ADK: variants seen among roughly 807,000 people sequenced by gnomAD.
The protein encoded by ADK is N6,N6-dimethyladenosine kinase.
Under a neutral mutation model 44.7 loss-of-function variants are expected in ADK, and 24 were observed. The ratio of observed to expected loss-of-function variants is 0.54; its 90% CI spans 0.39 to 0.76. The LOEUF (loss-of-function observed/expected upper bound fraction) is 0.76, where lower values mean the gene tolerates loss of function less well. Ranked by LOEUF, ADK falls within the 30% of genes least tolerant of loss-of-function variation. ADK has a pLI of 0.00. For synonymous variants in ADK, 128 were observed against 142.6 expected (o/e 0.90, Z 0.73); for missense variants, 321 against 425.1 (o/e 0.76, Z 2.15).
intron 1 of ADK, among the ~76,000 whole-genome samples, chr10:74,152,832 C>A (rs769591388): frequency 3.3e-5 from 5 of 152,154 alleles, no homozygotes; most frequent in Non-Finnish European, 7.3e-5. Context: ...CTTTGTGAGG[C>A]TGTGGTGAGA....
intron 7 of ADK, among the ~76,000 whole-genome samples, chr10:74,561,186 G>A (rs1850444574): frequency 6.6e-6 from 1 of 152,088 alleles, no homozygotes; most frequent in African/African-American, 2.4e-5. Flanking sequence ...TGGAGTAAGT[G>A]GTCATCTGTG....
At chr10:74,383,490 A>G (rs1843044510) in intron 4 of ADK, among the ~76,000 whole-genome samples, 1 of 152,046 alleles carries the variant, frequency 6.6e-6, no homozygotes, top group African/African-American at 2.4e-5. Context: ...AGCCTCATAT[A>G]TCCCCTAATT....
chr10:74,421,837 A>G (rs963762758), intron 6 of ADK, among the ~76,000 whole-genome samples: 1 of 152,228 alleles, frequency 6.6e-6, no homozygotes, highest in Non-Finnish European at 1.5e-5. Context: ...AATTAGAGCA[A>G]CAAAATAAAA....
At chr10:74,340,432 T>G (rs1231249525) in intron 4 of ADK, among the ~76,000 whole-genome samples, 1 of 152,180 alleles carries the variant, frequency 6.6e-6, no homozygotes, top group Non-Finnish European at 1.5e-5. Context: ...AAACCAGGTT[T>G]CAGGTGATAT....
At chr10:74,552,549 G>A (rs1850071557) in intron 7 of ADK, among the ~76,000 whole-genome samples, 1 of 151,680 alleles carries the variant, frequency 6.6e-6, no homozygotes, top group Admixed American at 6.6e-5. Flanking sequence ...TTGCACAAAA[G>A]CATTGAATTA....
chr10:74,165,629 T>C (rs1408771641), intron 1 of ADK, among the ~76,000 whole-genome samples: 2 of 152,122 alleles, frequency 1.3e-5, no homozygotes, highest in Non-Finnish European at 2.9e-5. Context: ...TAAGAGTCCC[T>C]AAGTAGTAAA....
intron 9 of ADK, among the ~76,000 whole-genome samples, chr10:74,667,135 CTT>C (rs930799818): frequency 1.2e-4 from 18 of 152,070 alleles, no homozygotes; most frequent in East Asian, 9.7e-4. Flanking sequence ...CCGGCCATGA[CTT>C]TTTATAATAG....
chr10:74,336,989 T>C (rs1841430966), intron 4 of ADK, among the ~76,000 whole-genome samples: 1 of 152,242 alleles, frequency 6.6e-6, no homozygotes, highest in Admixed American at 6.5e-5. Context: ...CCCATGGATA[T>C]GGTGGGCCTA....
chr10:74,613,525 A>G (rs1175632771), intron 9 of ADK, among the ~76,000 whole-genome samples: 3 of 152,096 alleles, frequency 2.0e-5, no homozygotes. Context: ...AATTTAACAT[A>G]GTTACATCCC....
At chr10:74,463,010 A>G (rs1042884226) in intron 6 of ADK, among the ~76,000 whole-genome samples, 6 of 152,166 alleles carry the variant, frequency 3.9e-5, no homozygotes, top group African/African-American at 1.4e-4. Flanking sequence ...TGATGACTCA[A>G]ATTTTATCAG....
rs758693118 is a variant in ADK at position 74,181,176 on chromosome 10, T to C, written c.66-19588T>C. On this transcript the variant is annotated intron_variant, in intron 1 of 10. Transcript: ENST00000539909. Reference sequence around the variant, plus strand: ...TTGAACTAGATATGAGATCTCTAGATACCTTGTTCAGTTCCCTTTCTAGTA... The same window carrying C: ...TTGAACTAGATATGAGATCTCTAGACACCTTGTTCAGTTCCCTTTCTAGTA... Among the ~76,000 whole-genome samples, 8 of 152,206 alleles carry C rather than the reference T, an allele frequency of 5.3e-5. No homozygotes were observed. In the East Asian group the frequency reaches 9.6e-4, roughly 18 times the overall value.
chr10:74,529,001 AGTTCTACT>A (rs1849174130), intron 7 of ADK, among the ~76,000 whole-genome samples: 1 of 152,188 alleles, frequency 6.6e-6, no homozygotes, highest in Non-Finnish European at 1.5e-5. Context: ...ATGATCTAGC[AGTTCTACT>A]TCTAGGTATA....
At chr10:74,480,769 T>G (rs996170822) in intron 6 of ADK, among the ~76,000 whole-genome samples, 2 of 152,228 alleles carry the variant, frequency 1.3e-5, no homozygotes, top group African/African-American at 4.8e-5. Context: ...GTTTCTAGCT[T>G]ATAGAGTAAT....
chr10:74,528,195 G>T, intron 7 of ADK: 1 of 597,144 alleles, frequency 1.7e-6, no homozygotes, highest in Non-Finnish European at 2.7e-6. Context: ...GTATCTTTGT[G>T]TACATATCTG....
At chr10:74,392,957 ATCT>A (rs1208513197) in intron 4 of ADK, among the ~76,000 whole-genome samples, 1 of 152,074 alleles carries the variant, frequency 6.6e-6, no homozygotes, top group Non-Finnish European at 1.5e-5. Flanking sequence ...TAATCGACTG[ATCT>A]TCTACAGGTG....
At chr10:74,498,696 G>A (rs925869826) in intron 6 of ADK, among the ~76,000 whole-genome samples, 19 of 152,020 alleles carry the variant, frequency 1.2e-4, no homozygotes, top group African/African-American at 4.6e-4. Context: ...CCCACAACAG[G>A]CCTTGTGTGT....
chr10:74,232,916 G>A lies in ADK; in HGVS notation c.194+8325G>A, dbSNP rs188829726. On this transcript the variant is annotated intron_variant, in intron 3 of 10. Transcript: ENST00000539909. ...TGAGATTACAGGCGTAAGCCACCGC[G>A]TCTGGCCTATAAGGAATAATTTTGT... 1.1e-4 allele frequency among the ~76,000 whole-genome samples: 16 copies of A among 152,252 alleles called. No homozygotes were observed. The East Asian group carries it at 2.5e-3, about 24-fold the overall frequency.
In ADK at chr10:74,589,369, C is replaced by G. The variant is rs376992896; in HGVS notation, c.762+52C>G. The G allele has an allele frequency of 7.0e-6, 11 of 1,577,556 alleles. No individual in the cohort carries two copies. The East Asian group carries it at 1.1e-4, about 16-fold the overall frequency. On this transcript the variant is annotated intron_variant, in intron 8 of 10. Coordinates refer to ENST00000539909, the MANE Select transcript of ADK (RefSeq NM_006721.4). ...AACAGATCCTAAAGGTTTTTTCTAGCTGATAATGAAGTTCTTTTGGACAGT... is the reference window on the plus strand; with the variant it reads ...AACAGATCCTAAAGGTTTTTTCTAGGTGATAATGAAGTTCTTTTGGACAGT...
chr10:74,655,182 G>A (rs540968248), intron 9 of ADK: 8 of 310,032 alleles, frequency 2.6e-5, no homozygotes, highest in South Asian at 1.0e-4. Context: ...AGAAGTAACC[G>A]TCAAGAAGGA....
Sources: allele counts gnomAD v4.1 joint callset (sites outside exome capture counted in the v4.1 genomes callset), GRCh38; gene constraint gnomAD v4.1.1; transcripts MANE v1.5; gene names NCBI Gene and HGNC (gene_info 2026-07-23, HGNC 2026-07-21).